ZNF385D: variants seen among roughly 807,000 people sequenced by gnomAD.
The protein encoded by ZNF385D is zinc finger protein 385D.
In ZNF385D, 15 loss-of-function variants were observed where a neutral mutation model predicts 35.8. The ratio of observed to expected loss-of-function variants is 0.42; its 90% CI spans 0.28 to 0.64. The LOEUF is 0.64. ZNF385D is among the 30% of genes least tolerant of loss of function. The probability of loss-of-function intolerance (pLI) is 0.23; values close to 1 mark genes in which losing one functional copy is unlikely to be tolerated. For missense variants in ZNF385D, 474 were observed against 494.6 expected (o/e 0.96, Z 0.39); for synonymous variants, 212 against 186.8 (o/e 1.13, Z -1.10).
chr3:22,176,014 T>C, intron 2 of ZNF385D, among the ~76,000 whole-genome samples: 1 of 150,604 alleles, frequency 6.6e-6, no homozygotes, highest in East Asian at 1.9e-4. Flanking sequence ...TTGTAAATAG[T>C]TCACAAGCTG....
intron 2 of ZNF385D, among the ~76,000 whole-genome samples, chr3:21,638,292 A>G (rs527272373): frequency 6.6e-6 from 1 of 152,164 alleles, no homozygotes; most frequent in Non-Finnish European, 1.5e-5. Context: ...GTTATACAAC[A>G]AACAGGTTTG....
At chr3:22,099,297 G>A (rs1005895350) in intron 3 of ZNF385D, among the ~76,000 whole-genome samples, 1 of 152,082 alleles carries the variant, frequency 6.6e-6, no homozygotes, top group Non-Finnish European at 1.5e-5. Context: ...TGTGAAAGTT[G>A]AGTAGATAAC....
At chr3:22,269,058 C>T (rs1316676110) in intron 2 of ZNF385D, among the ~76,000 whole-genome samples, 1 of 151,882 alleles carries the variant, frequency 6.6e-6, no homozygotes, top group East Asian at 1.9e-4. Context: ...CACATATTTT[C>T]CAGCTTCTTC....
chr3:21,863,048 G>A (rs1230071009), intron 3 of ZNF385D, among the ~76,000 whole-genome samples: 3 of 152,158 alleles, frequency 2.0e-5, no homozygotes, highest in Non-Finnish European at 1.5e-5. Flanking sequence ...TGTAAAGAGG[G>A]ATAGATATTT....
chr3:22,345,137 T>C (rs529350540), intron 2 of ZNF385D, among the ~76,000 whole-genome samples: 1 of 152,312 alleles, frequency 6.6e-6, no homozygotes, highest in East Asian at 1.9e-4. Context: ...TTAACTATAA[T>C]AACAATAATA....
At chr3:22,296,753 G>C (rs1702605194) in intron 2 of ZNF385D, among the ~76,000 whole-genome samples, 1 of 152,062 alleles carries the variant, frequency 6.6e-6, no homozygotes, top group Non-Finnish European at 1.5e-5. Context: ...CTCTCCCTAA[G>C]GTTAGGTTGA....
intron 3 of ZNF385D, among the ~76,000 whole-genome samples, chr3:22,005,807 C>T (rs960380958): frequency 9.9e-5 from 15 of 152,074 alleles, no homozygotes; most frequent in Admixed American, 2.6e-4. Flanking sequence ...ACTGAAAATC[C>T]TCATGTCTTT....
intron 3 of ZNF385D, among the ~76,000 whole-genome samples, chr3:22,099,335 A>C (rs1701803217): frequency 6.6e-6 from 1 of 152,136 alleles, no homozygotes; most frequent in East Asian, 1.9e-4. Flanking sequence ...GGTTTGGAAT[A>C]GTCATGTAGT....
At chr3:21,627,198 TG>T (rs1188697873) in intron 2 of ZNF385D, among the ~76,000 whole-genome samples, 2 of 151,648 alleles carry the variant, frequency 1.3e-5, no homozygotes, top group African/African-American at 4.8e-5. Context: ...TGTCTTTACT[TG>T]GCAAAATTAA....
intron 3 of ZNF385D, among the ~76,000 whole-genome samples, chr3:21,926,897 T>TC: frequency 6.6e-6 from 1 of 152,258 alleles, no homozygotes; most frequent in Admixed American, 6.5e-5. Context: ...TTGCAGTCTA[T>TC]CCCTCTGACA....
intron 3 of ZNF385D, among the ~76,000 whole-genome samples, chr3:22,128,524 T>C (rs952898174): frequency 3.2e-4 from 49 of 152,184 alleles, no homozygotes; most frequent in African/African-American, 1.1e-3. Context: ...TTTGCACTTT[T>C]TAGGCTATTT....
chr3:22,271,151 T>C (rs965992383), intron 2 of ZNF385D, among the ~76,000 whole-genome samples: 5 of 151,998 alleles, frequency 3.3e-5, no homozygotes, highest in African/African-American at 7.2e-5. Flanking sequence ...CCCACATTCA[T>C]TGATTTTAAT....
intron 4 of ZNF385D, among the ~76,000 whole-genome samples, chr3:21,446,466 A>G (rs982509747): frequency 1.3e-5 from 2 of 148,358 alleles, no homozygotes; most frequent in African/African-American, 2.5e-5. Flanking sequence ...AAAAAATTTT[A>G]GATACTACCT....
intron 3 of ZNF385D, among the ~76,000 whole-genome samples, chr3:22,125,972 G>C (rs1399720625): frequency 6.6e-6 from 1 of 151,940 alleles, no homozygotes; most frequent in African/African-American, 2.4e-5. Context: ...GGTGACAGTG[G>C]GCATCCTTGT....
Position 22,235,656 on chromosome 3 carries a change from A to G in ZNF385D, c.107-66621T>C, listed in dbSNP as rs79717739. ...TTCTTTAAAAAGGAAAAACAAACATAAAAATATGCTCAAGTATATTTGGAG... is the reference window on the plus strand; with the variant it reads ...TTCTTTAAAAAGGAAAAACAAACATGAAAATATGCTCAAGTATATTTGGAG... On this transcript the variant is annotated intron_variant, in intron 2 of 5. Coordinates refer to the ZNF385D transcript ENST00000494108. Among the ~76,000 whole-genome samples the G allele has an allele frequency of 4.8e-3, 734 of 152,254 alleles. 10 individuals carry two copies. Among genetic ancestry groups the G allele is most frequent in the African/African-American group, 0.017 (687 of 41,558 alleles).
At chr3:21,546,722 A>G (rs1010206492) in intron 3 of ZNF385D, among the ~76,000 whole-genome samples, 1 of 152,026 alleles carries the variant, frequency 6.6e-6, no homozygotes, top group East Asian at 1.9e-4. Context: ...TTCCTGTTTC[A>G]TGGATAAAGG....
intron 2 of ZNF385D, among the ~76,000 whole-genome samples, chr3:21,594,397 C>T (rs1393842656): frequency 6.6e-6 from 1 of 151,994 alleles, no homozygotes; most frequent in African/African-American, 2.4e-5. Context: ...ATGAAATGCT[C>T]CTAGGAAAGA....
At chr3:21,929,891 A>G (rs1262602443) in intron 3 of ZNF385D, among the ~76,000 whole-genome samples, 2 of 152,200 alleles carry the variant, frequency 1.3e-5, no homozygotes, top group South Asian at 2.1e-4. Context: ...TGATCTATAG[A>G]TTTAATACAT....
chr3:21,923,959 A>G (rs932699819), intron 3 of ZNF385D, among the ~76,000 whole-genome samples: 1 of 152,214 alleles, frequency 6.6e-6, no homozygotes, highest in Non-Finnish European at 1.5e-5. Context: ...AGTTGAAACG[A>G]AAATCCTGGA....
Sources: allele counts gnomAD v4.1 joint callset (sites outside exome capture counted in the v4.1 genomes callset), GRCh38; gene constraint gnomAD v4.1.1; transcripts MANE v1.5; gene names NCBI Gene and HGNC (gene_info 2026-07-23, HGNC 2026-07-21).